Variants in PLEKHA8 observed in about 807,000 individuals in gnomAD.
The protein encoded by PLEKHA8 is pleckstrin homology domain-containing family A member 8.
Under a neutral mutation model 68.2 loss-of-function variants are expected in PLEKHA8, and 36 were observed. That is an observed-to-expected ratio of 0.53 (90% CI 0.40 to 0.70). PLEKHA8 has a LOEUF of 0.70. Among genes scored for constraint, PLEKHA8 ranks in the 30% least tolerant of loss-of-function variants. The pLI, the probability that PLEKHA8 is intolerant of heterozygous loss-of-function variation, is 0.00. For missense variants in PLEKHA8, 505 were observed against 615.4 expected (o/e 0.82, Z 1.90); for synonymous variants, 211 against 216.1 (o/e 0.98, Z 0.20).
chr7:30,081,042 G>C lies in PLEKHA8; in HGVS notation c.*2255G>C. 1.0e-6 allele frequency: 1 copy of C among 985,232 alleles called. No individual in the cohort carries two copies. Among genetic ancestry groups the C allele is most frequent in the Non-Finnish European group, 1.2e-6 (1 of 829,896 alleles). The allele number at this position is 985,232 out of a possible 1,614,324, so 61.0% of individuals were successfully genotyped here. ...CTGAAAATACCTCAGGTTTGCCACC[G>C]CAACTCTGAATACACACAAAAGGAA... On this transcript the variant is annotated 3_prime_UTR_variant, in exon 14 of 14. Coordinates refer to ENST00000449726, the MANE Select transcript of PLEKHA8 (RefSeq NM_001197026.2).
At chr7:30,103,264 T>A (rs530545431) in intron 13 of PLEKHA8, among the ~76,000 whole-genome samples, 4 of 152,298 alleles carry the variant, frequency 2.6e-5, no homozygotes, top group Non-Finnish European at 5.9e-5. Context: ...TGCCATAATT[T>A]AAAAAAATTA....
At chr7:30,072,455 A>G (rs1794301029) in intron 12 of PLEKHA8, among the ~76,000 whole-genome samples, 1 of 152,274 alleles carries the variant, frequency 6.6e-6, no homozygotes, top group Non-Finnish European at 1.5e-5. Context: ...AATAAAGTTG[A>G]CTAGAATGAC....
chr7:30,077,352 A>C (rs941579962), intron 13 of PLEKHA8, among the ~76,000 whole-genome samples: 1 of 152,110 alleles, frequency 6.6e-6, no homozygotes, highest in African/African-American at 2.4e-5. Flanking sequence ...CCTATCCTCC[A>C]GTTCTGGGAG....
chr7:30,114,276 T>C (rs915194648), intron 13 of PLEKHA8, among the ~76,000 whole-genome samples: 1 of 152,242 alleles, frequency 6.6e-6, no homozygotes, highest in African/African-American at 2.4e-5. Context: ...TCACTTTACA[T>C]ATATTAACAC....
intron 13 of PLEKHA8, among the ~76,000 whole-genome samples, chr7:30,096,809 C>G (rs148192688): frequency 0.061 from 9,314 of 152,232 alleles, 383 homozygotes; most frequent in Middle Eastern, 0.082. Flanking sequence ...TTAATTGGAG[C>G]ATTTAGCCCA....
chr7:30,084,345 C>G lies in PLEKHA8; in HGVS notation c.*5558C>G. 2 of 985,340 alleles carry G rather than the reference C, an allele frequency of 2.0e-6. No homozygotes were observed. Among genetic ancestry groups the G allele is most frequent in the Non-Finnish European group, 2.4e-6 (2 of 829,874 alleles). The allele number at this position is 985,340 out of a possible 1,614,324, so 61.0% of individuals were successfully genotyped here. ...GTGTTAATGTTACCTGTTCTTGTCT[C>G]TCAGCATTTTGAATGAGCATCATAA... is the stretch of plus-strand genomic sequence containing the variant. On this transcript the variant is annotated 3_prime_UTR_variant, in exon 14 of 14. Coordinates refer to ENST00000449726, the MANE Select transcript of PLEKHA8 (RefSeq NM_001197026.2).
intron 13 of PLEKHA8, among the ~76,000 whole-genome samples, chr7:30,107,103 T>A (rs1262977238): frequency 2.6e-5 from 4 of 152,164 alleles, no homozygotes; most frequent in Non-Finnish European, 5.9e-5. Flanking sequence ...TATACTGAAT[T>A]TATAGACTGA....
intron 9 of PLEKHA8, among the ~76,000 whole-genome samples, chr7:30,056,329 TATAAATAAC>T (rs1792902375): frequency 2.2e-5 from 3 of 134,944 alleles, no homozygotes; most frequent in Admixed American, 1.6e-4. Flanking sequence ...TATATATATA[TATAAATAAC>T]ATATATATAA....
intron 6 of PLEKHA8, among the ~76,000 whole-genome samples, chr7:30,051,581 A>G (rs1479256840): frequency 1.3e-5 from 2 of 152,252 alleles, no homozygotes; most frequent in Non-Finnish European, 1.5e-5. Flanking sequence ...TTCTACTTGC[A>G]TGTTAATTGG....
At chr7:30,126,806 T>G (rs1796778632) in intron 13 of PLEKHA8, among the ~76,000 whole-genome samples, 1 of 152,164 alleles carries the variant, frequency 6.6e-6, no homozygotes. Context: ...TCAGATCTCG[T>G]GAGAGTTATT....
At chr7:30,117,063 A>C (rs1160076795) in intron 13 of PLEKHA8, among the ~76,000 whole-genome samples, 1 of 152,190 alleles carries the variant, frequency 6.6e-6, no homozygotes, top group Non-Finnish European at 1.5e-5. Context: ...ATCTGTGCCC[A>C]GTTGACGTAA....
intron 13 of PLEKHA8, among the ~76,000 whole-genome samples, chr7:30,077,055 C>T (rs1438706383): frequency 6.6e-6 from 1 of 152,128 alleles, no homozygotes; most frequent in Non-Finnish European, 1.5e-5. Context: ...GACAGTTGAA[C>T]TCTATTACTG....
At chr7:30,075,745 A>G (rs1207803598) in intron 13 of PLEKHA8, among the ~76,000 whole-genome samples, 2 of 152,210 alleles carry the variant, frequency 1.3e-5, no homozygotes, top group African/African-American at 2.4e-5. Flanking sequence ...TCAGTATAGA[A>G]TGCAAAATTT....
At chr7:30,072,183 T>G (rs1216527265) in intron 12 of PLEKHA8, 1 of 152,224 alleles carries the variant, frequency 6.6e-6, no homozygotes, top group East Asian at 1.9e-4. Context: ...TCTTCATACT[T>G]GAATGTATTA....
chr7:30,129,142 T>G lies in PLEKHA8; in HGVS notation c.1363-124T>G, dbSNP rs974467951. 9 of 1,364,796 alleles carry G rather than the reference T, an allele frequency of 6.6e-6. No homozygotes were observed. The African/African-American group carries it at 1.3e-4, about 19-fold the overall frequency. 84.5% of individuals were successfully genotyped at this position (1,364,796 alleles called of 1,614,324 possible). ...GCAATAAGATTCTGGAAAATATACCTTGCTGAAAAACTACTGATACAAAGG... is the reference window on the plus strand; with the variant it reads ...GCAATAAGATTCTGGAAAATATACCGTGCTGAAAAACTACTGATACAAAGG... On this transcript the variant is annotated intron_variant, in intron 13 of 13. Coordinates refer to the PLEKHA8 transcript ENST00000396257.
intron 9 of PLEKHA8, among the ~76,000 whole-genome samples, chr7:30,059,666 A>AT (rs547127345): frequency 0.03 from 3,185 of 105,506 alleles, 53 homozygotes; most frequent in African/African-American, 0.048. Context: ...TCAATCAAGT[A>AT]TTTTTTTTTT....
At chr7:30,069,005 A>G (rs1794054843) in intron 12 of PLEKHA8, among the ~76,000 whole-genome samples, 1 of 146,924 alleles carries the variant, frequency 6.8e-6, no homozygotes, top group Admixed American at 6.8e-5. Context: ...TGTAATACCA[A>G]CTTTGAGAGA....
intron 1 of PLEKHA8, among the ~76,000 whole-genome samples, chr7:30,038,161 T>C (rs1167366773): frequency 6.6e-6 from 1 of 152,160 alleles, no homozygotes. Flanking sequence ...TTAAGAGTCA[T>C]TATTGGGCCA....
chr7:30,059,986 G>T (rs1183857466), intron 9 of PLEKHA8, among the ~76,000 whole-genome samples: 1 of 150,168 alleles, frequency 6.7e-6, no homozygotes, highest in Admixed American at 6.6e-5. Context: ...GATCGAGACC[G>T]TCTTGGCCAA....
Sources: allele counts gnomAD v4.1 joint callset (sites outside exome capture counted in the v4.1 genomes callset), GRCh38; gene constraint gnomAD v4.1.1; transcripts MANE v1.5; gene names NCBI Gene and HGNC (gene_info 2026-07-23, HGNC 2026-07-21).